Variants in HIPK3 observed in about 807,000 individuals in gnomAD.
HIPK3 encodes the protein homeodomain-interacting protein kinase 3.
Under a neutral mutation model 124.2 loss-of-function variants are expected in HIPK3, and 47 were observed. The ratio of observed to expected loss-of-function variants is 0.38; its 90% CI spans 0.30 to 0.48. HIPK3 has a LOEUF of 0.48. Among genes scored for constraint, HIPK3 ranks in the 20% least tolerant of loss-of-function variants. HIPK3 has a pLI of 0.98. For synonymous variants in HIPK3, 482 were observed against 515.2 expected, an observed-to-expected ratio of 0.94 and a Z score of 0.87; for missense variants, 1,286 against 1,454.3, an observed-to-expected ratio of 0.88 and a Z score of 1.88.
intron 1 of HIPK3, among the ~76,000 whole-genome samples, chr11:33,264,133 T>A (rs1359188298): frequency 6.6e-6 from 1 of 152,162 alleles, no homozygotes; most frequent in Non-Finnish European, 1.5e-5. Context: ...ACTTTTACCT[T>A]GCATTTTCTT....
rs961414224 is a variant in HIPK3, at chr11:33,257,803, C to T, written c.-89C>T. ...GCCGCCTGCTGAAGCGCCTGGCTCC[C>T]GGTCCCCGGCACGGCCCTGCGCCCC... On this transcript the variant is annotated 5_prime_UTR_variant, in exon 1 of 17. Transcript: ENST00000303296. 6.1e-6 allele frequency: 6 copies of T among 986,640 alleles called. No homozygotes were observed. In the African/African-American group the frequency reaches 1.0e-4, roughly 17 times the overall value. 61.1% of individuals were successfully genotyped at this position (986,640 alleles called of 1,614,324 possible).
intron 1 of HIPK3, among the ~76,000 whole-genome samples, chr11:33,268,591 C>CAAAAAAAA (rs35408664): frequency 5.3e-5 from 4 of 76,030 alleles, no homozygotes; most frequent in East Asian, 3.4e-4. Context: ...ACTCCGTCAC[C>CAAAAAAAA]AAAAAAAAAA....
rs148451239 is a variant in HIPK3 at position 33,282,375 on chromosome 11, T to C, written c.-2-4038T>C. Among the ~76,000 whole-genome samples the C allele has an allele frequency of 3.1e-3, 465 of 149,076 alleles. 3 individuals are homozygous for C. Among genetic ancestry groups the C allele is most frequent in the African/African-American group, 0.011 (448 of 40,454 alleles). On this transcript the variant is annotated intron_variant, in intron 1 of 16. Coordinates refer to ENST00000303296, the MANE Select transcript of HIPK3 (RefSeq NM_005734.5). ...ACTTTAGTCTGGGCAACAAAGACTG[T>C]CTCAAAAAAAAAGAAAAAAAATTGG...
chr11:33,257,352 CGGA>C, upstream of HIPK3: 1 of 984,592 alleles, frequency 1.0e-6, no homozygotes, highest in African/African-American at 1.7e-5. Context: ...CCGACGAGCG[CGGA>C]GGAGGGGCCC....
Position 33,352,148 on chromosome 11 carries a change from C to G in HIPK3, c.3054C>G (p.Cys1018Trp). Residue 1018 changes from cysteine to tryptophan, a missense_variant, in exon 16 of 17, where the codon TGC (cysteine) becomes TGG (tryptophan). Physicochemically the swap from Cys to Trp is radical, Grantham distance 215. This residue lies in a region of HIPK3 where 810 missense variants were observed against 864.9 expected (regional missense o/e 0.94). Coordinates refer to ENST00000303296, the MANE Select transcript of HIPK3 (RefSeq NM_005734.5). ...DEHMANTDSICQPLIKGRSAP... is the reference protein window; with the variant it reads ...DEHMANTDSIWQPLIKGRSAP... ...TTTATTCGTCGCCAGATTCTATATG[C>G]CAGCCATTAATAAAAGGACGATCTG... is the stretch of plus-strand genomic sequence containing the variant. The G allele has an allele frequency of 6.2e-7, 1 of 1,613,290 alleles. No homozygotes were observed. Among genetic ancestry groups the G allele is most frequent in the Non-Finnish European group, 8.5e-7 (1 of 1,179,310 alleles).
In HIPK3 at chr11:33,353,641, C is replaced by A; in HGVS notation, c.*73C>A. 2 of 1,018,720 alleles carry A rather than the reference C, an allele frequency of 2.0e-6. No individual in the cohort carries two copies. Among genetic ancestry groups the A allele is most frequent in the South Asian group, 1.5e-5 (1 of 66,044 alleles). The allele number at this position is 1,018,720 out of a possible 1,614,324, so 63.1% of individuals were successfully genotyped here. On this transcript the variant is annotated 3_prime_UTR_variant, in exon 17 of 17. Coordinates refer to ENST00000303296, the MANE Select transcript of HIPK3 (RefSeq NM_005734.5). ...ATAAAAACATGGTATTTAATATTAGCCATGGCACAAGAAAATTATTTTTGA... is the reference window on the plus strand; with the variant it reads ...ATAAAAACATGGTATTTAATATTAGACATGGCACAAGAAAATTATTTTTGA...
In HIPK3 at chr11:33,353,590, T is replaced by C. The variant is rs766889542; in HGVS notation, c.*22T>C. The C allele has an allele frequency of 7.3e-6, 10 of 1,371,188 alleles. No homozygotes were observed. Among genetic ancestry groups the C allele is most frequent in the Non-Finnish European group, 1.0e-5 (10 of 962,254 alleles). The allele number at this position is 1,371,188 out of a possible 1,614,324, so 84.9% of individuals were successfully genotyped here. On this transcript the variant is annotated 3_prime_UTR_variant, in exon 17 of 17. Transcript: ENST00000303296. ...GTGAAAAACAGTATATTGGGGAAGC[T>C]CAATGATACAAACATTTGATTAAAA...
At chr11:33,319,909 C>T (rs1322547503) in intron 2 of HIPK3, among the ~76,000 whole-genome samples, 1 of 152,180 alleles carries the variant, frequency 6.6e-6, no homozygotes, top group Non-Finnish European at 1.5e-5. Flanking sequence ...AGGCAAGTGC[C>T]ATGTGTTGGT....
chr11:33,295,390 C>G (rs547648876), intron 2 of HIPK3, among the ~76,000 whole-genome samples: 23 of 150,582 alleles, frequency 1.5e-4, no homozygotes, highest in African/African-American at 5.6e-4. Context: ...TGCTTTGTTC[C>G]CCACAACCCC....
intron 1 of HIPK3, among the ~76,000 whole-genome samples, chr11:33,277,451 C>T (rs911496256): frequency 6.6e-6 from 1 of 152,122 alleles, no homozygotes; most frequent in South Asian, 2.1e-4. Context: ...ATCTTAAAAT[C>T]GATGATGTCT....
intron 1 of HIPK3, among the ~76,000 whole-genome samples, chr11:33,268,705 T>A (rs575368016): frequency 2.0e-4 from 30 of 152,260 alleles, no homozygotes; most frequent in Non-Finnish European, 3.8e-4. Flanking sequence ...TCGGGAGTGT[T>A]TGCCTTATGA....
At chr11:33,268,868 A>G (rs1028105837) in intron 1 of HIPK3, among the ~76,000 whole-genome samples, 2 of 152,116 alleles carry the variant, frequency 1.3e-5, no homozygotes, top group Admixed American at 6.6e-5. Context: ...CATTAATTCT[A>G]TTGGAAGAAA....
intron 2 of HIPK3, 63 bp downstream of exon 2, chr11:33,287,574 C>T (rs749580982): frequency 5.6e-5 from 85 of 1,522,074 alleles, no homozygotes; most frequent in Non-Finnish European, 6.9e-5. Flanking sequence ...AAATGAAATA[C>T]TTTTGTGTGT....
At chr11:33,294,049 G>A (rs1201184905) in intron 2 of HIPK3, among the ~76,000 whole-genome samples, 3 of 151,740 alleles carry the variant, frequency 2.0e-5, no homozygotes, top group African/African-American at 7.3e-5. Flanking sequence ...CACGTGTCAG[G>A]AAGCTGAGGC....
chr11:33,277,026 TAAAC>T (rs951898911), intron 1 of HIPK3, among the ~76,000 whole-genome samples: 11 of 152,176 alleles, frequency 7.2e-5, no homozygotes, highest in African/African-American at 2.7e-4. Context: ...AATTTAAAAA[TAAAC>T]AATTACTAAA....
chr11:33,328,028 A>G (rs1178183777), intron 2 of HIPK3, among the ~76,000 whole-genome samples: 2 of 152,242 alleles, frequency 1.3e-5, no homozygotes, highest in Non-Finnish European at 1.5e-5. Context: ...AATGGCTCCA[A>G]TTAGGTAAAT....
rs550499207 is a variant in HIPK3 at position 33,341,156 on chromosome 11, G to A, written c.1773+29G>A. ...AGAATGTGTAGTAATTAATAACTTA[G>A]GGTCTTTTTTTAATGATTGCGCATT... On this transcript the variant is annotated intron_variant, in intron 7 of 16. Coordinates refer to ENST00000303296, the MANE Select transcript of HIPK3 (RefSeq NM_005734.5). 270 of 1,498,156 alleles carry A rather than the reference G, an allele frequency of 1.8e-4. 5 individuals are homozygous for A. In the South Asian group the frequency reaches 3.3e-3, roughly 18 times the overall value. The allele number at this position is 1,498,156 out of a possible 1,614,324, so 92.8% of individuals were successfully genotyped here. A position where few individuals can be genotyped will look rare whatever the true frequency, so the allele number is the denominator to read the frequency against.
At chr11:33,311,327 A>G (rs754276556) in intron 2 of HIPK3, among the ~76,000 whole-genome samples, 3 of 152,188 alleles carry the variant, frequency 2.0e-5, no homozygotes, top group Non-Finnish European at 4.4e-5. Flanking sequence ...CTAGGACCAC[A>G]GGCATGTGCC....
At chr11:33,294,122 C>A (rs1403933366) in intron 2 of HIPK3, among the ~76,000 whole-genome samples, 2 of 150,452 alleles carry the variant, frequency 1.3e-5, no homozygotes, top group Non-Finnish European at 2.9e-5. Flanking sequence ...CCATTGCACT[C>A]CAGCCTGGGC....
Sources: allele counts gnomAD v4.1 joint callset (sites outside exome capture counted in the v4.1 genomes callset), GRCh38; gene constraint gnomAD v4.1.1; regional missense constraint gnomAD v4.1.1; transcripts MANE v1.5; gene names NCBI Gene and HGNC (gene_info 2026-07-23, HGNC 2026-07-21).